Variants in DHX37 observed in about 807,000 individuals in gnomAD.
DHX37 encodes the protein DEAH-box helicase 37, also known as probable ATP-dependent RNA helicase DHX37.
In DHX37, 52 loss-of-function variants were observed where a neutral mutation model predicts 134.3. That is an observed-to-expected ratio of 0.39 (90% CI 0.31 to 0.49). The LOEUF is 0.49. Ranked by LOEUF, DHX37 falls within the 20% of genes least tolerant of loss-of-function variation. The pLI is 0.93. For synonymous variants in DHX37, 634 were observed against 670.7 expected (o/e 0.95, Z 0.85); for missense variants, 1,344 against 1,580.8 (o/e 0.85, Z 2.54).
chr12:124,972,434 A>G, intron 7 of DHX37, 69 bp downstream of exon 7: 1 of 1,539,528 alleles, frequency 6.5e-7, no homozygotes, highest in Non-Finnish European at 9.0e-7. Flanking sequence ...CTCATATCCC[A>G]GGTGACATCC....
chr12:124,980,109 T>A lies in DHX37; in HGVS notation c.738+381A>T, dbSNP rs1954725684. Among the ~76,000 whole-genome samples, 1 of 152,206 alleles carries A rather than the reference T, an allele frequency of 6.6e-6. No homozygotes were observed. Among genetic ancestry groups the A allele is most frequent in the Non-Finnish European group, 1.5e-5 (1 of 68,028 alleles). On this transcript the variant is annotated intron_variant, in intron 4 of 26. Transcript: ENST00000308736. The surrounding 1 kb of genome is among the most constrained non-coding windows in gnomAD (Gnocchi z 5.3). ...AGCCGGAATATTCCCATTTTACAGA[T>A]GCGCGGGAAGTGAGCTGGAGAGCAG...
At chr12:124,954,348 G>A in intron 18 of DHX37, 137 bp from the exon 19 acceptor site, 1 of 1,332,562 alleles carries the variant, frequency 7.5e-7, no homozygotes, top group East Asian at 2.5e-5. Context: ...AGGTATTAAG[G>A]TCCAGCTCAA....
rs1472999614 is a variant in DHX37 at position 124,949,530 on chromosome 12, G to A, written c.3290+456C>T. Among the ~76,000 whole-genome samples, 4 of 152,294 alleles carry A rather than the reference G, an allele frequency of 2.6e-5. No homozygotes were observed. Among genetic ancestry groups the A allele is most frequent in the Non-Finnish European group, 5.9e-5 (4 of 68,016 alleles). ...AGGATGCCTCCCACTGACACCTGGC[G>A]GCTCTGTGGGAGCTGCCCAGTGTCT... On this transcript the variant is annotated intron_variant, in intron 25 of 26. Coordinates refer to ENST00000308736, the MANE Select transcript of DHX37 (RefSeq NM_032656.4). This position sits in a 1 kb window ranked among gnomAD's most constrained non-coding sequence, Gnocchi z 4.0.
chr12:124,949,779 C>A lies in DHX37; in HGVS notation c.3290+207G>T, dbSNP rs1455502191. 6.6e-6 allele frequency among the ~76,000 whole-genome samples: 1 copy of A among 152,106 alleles called. No homozygotes were observed. Among genetic ancestry groups the A allele is most frequent in the African/African-American group, 2.4e-5 (1 of 41,394 alleles). ...GGCAGAGACTGGAGTGATGTGGCCA[C>A]AAGCCCAGGAGGCCGACAGAGGCAA... On this transcript the variant is annotated intron_variant, in intron 25 of 26. Coordinates refer to ENST00000308736, the MANE Select transcript of DHX37 (RefSeq NM_032656.4). This position sits in a 1 kb window ranked among gnomAD's most constrained non-coding sequence, Gnocchi z 4.0.
chr12:124,950,937 A>G, intron 21 of DHX37, 133 bp from the exon 22 acceptor site: 1 of 1,297,904 alleles, frequency 7.7e-7, no homozygotes, highest in Non-Finnish European at 1.0e-6. Flanking sequence ...CTGCCGGGAA[A>G]TGCGGCCCAT....
Position 124,988,973 on chromosome 12 carries a change from C to A in DHX37, c.50G>T (p.Gly17Val). ...RYNIKGRQQA[G>V]PGPSKGPPEP... ...GGGGGGGCCCTTCGAGGGTCCGGGG[C>A]CCGCCTGCTGGCGCCCCTTGATGTT... The change falls in exon 1 of 27, where the codon GGC (glycine) becomes GTC (valine). Residue 17 changes from glycine to valine, a missense_variant. Coordinates refer to ENST00000308736, the MANE Select transcript of DHX37 (RefSeq NM_032656.4). The A allele has an allele frequency of 7.4e-7, 1 of 1,355,390 alleles. No individual in the cohort carries two copies. Among genetic ancestry groups the A allele is most frequent in the Non-Finnish European group, 9.6e-7 (1 of 1,045,518 alleles). 84.0% of individuals were successfully genotyped at this position (1,355,390 alleles called of 1,614,324 possible). A position where few individuals can be genotyped will look rare whatever the true frequency, so the allele number is the denominator to read the frequency against.
chr12:124,954,312 T>G, intron 18 of DHX37, 101 bp from the exon 19 acceptor site: 1 of 1,474,266 alleles, frequency 6.8e-7, no homozygotes, highest in South Asian at 1.5e-5. Flanking sequence ...TCAGAGGCCT[T>G]GTGGGGTCAC....
chr12:124,975,192 T>C (rs1335119562), intron 6 of DHX37, among the ~76,000 whole-genome samples: 4 of 152,138 alleles, frequency 2.6e-5, no homozygotes, highest in Non-Finnish European at 5.9e-5. Context: ...GATGGGCCAC[T>C]CTGTCCCCTC....
chr12:124,984,317 C>T (rs1198472481), intron 2 of DHX37, among the ~76,000 whole-genome samples: 2 of 152,116 alleles, frequency 1.3e-5, no homozygotes, highest in Non-Finnish European at 2.9e-5. Context: ...TGGGTCACTT[C>T]AGGTTGGGAG....
chr12:124,964,481 G>T lies in DHX37; in HGVS notation c.1958C>A (p.Ser653Tyr). The stretch of plus-strand genomic sequence containing the variant: ...GGAGACCCAGGTGACACGGAAGGAG[G>T]ATACGCCAGTGACGCGGTCGTAGTA... Reference protein sequence around the residue: ...KRYYDRVTGVSSFRVTWVSQA... With the variant: ...KRYYDRVTGVYSFRVTWVSQA... The change falls in exon 15 of 27, where the codon TCC (serine) becomes TAC (tyrosine). Residue 653 changes from serine (S) to tyrosine (Y), a missense_variant. By Grantham distance (144) the Ser-to-Tyr change is moderately radical. This residue lies in a region of DHX37 where 39 missense variants were observed against 87.9 expected (regional missense o/e 0.44). Coordinates refer to ENST00000308736, the MANE Select transcript of DHX37 (RefSeq NM_032656.4). 3.7e-6 allele frequency: 6 copies of T among 1,614,218 alleles called. No individual in the cohort carries two copies. Among genetic ancestry groups the T allele is most frequent in the Non-Finnish European group, 5.1e-6 (6 of 1,180,038 alleles).
At chr12:124,966,664 A>G in intron 12 of DHX37, 129 bp downstream of exon 12, 2 of 986,134 alleles carry the variant, frequency 2.0e-6, no homozygotes, top group Non-Finnish European at 3.1e-6. Flanking sequence ...GTGCCTGACC[A>G]GGAACTGGAT....
intron 10 of DHX37, among the ~76,000 whole-genome samples, chr12:124,967,951 G>C (rs1234503326): frequency 1.3e-5 from 2 of 151,806 alleles, no homozygotes; most frequent in African/African-American, 4.9e-5. Flanking sequence ...CGACCAGTGT[G>C]GGACCTGTAA....
rs141926689 is a variant in DHX37 at position 124,955,440 on chromosome 12, G to T, written c.2454-1229C>A. 2.0e-5 allele frequency among the ~76,000 whole-genome samples: 3 copies of T among 152,334 alleles called. No individual in the cohort carries two copies. In the East Asian group the frequency reaches 5.8e-4, roughly 29 times the overall value. ...TTATTCTCCCCCAAGGGATTCTGAC[G>T]AATAGCTGGGATTACAGGTGTCCAT... On this transcript the variant is annotated intron_variant, in intron 18 of 26. Coordinates refer to ENST00000308736, the MANE Select transcript of DHX37 (RefSeq NM_032656.4).
chr12:124,969,744 G>T (rs1954476498), intron 8 of DHX37, among the ~76,000 whole-genome samples: 1 of 152,052 alleles, frequency 6.6e-6, no homozygotes, highest in African/African-American at 2.4e-5. Flanking sequence ...AAGTACCATG[G>T]AATTCTGCAG....
At position 124,982,135 on chromosome 12, in the gene DHX37, C is replaced by CA. The variant is rs113891297; in HGVS notation, c.389+375dup. 4.7e-3 allele frequency among the ~76,000 whole-genome samples: 682 copies of CA among 144,490 alleles called. 3 individuals are homozygous for CA. Among genetic ancestry groups the CA allele is most frequent in the Middle Eastern group, 7.1e-3 (2 of 280 alleles). 94.8% of individuals were successfully genotyped at this position (144,490 alleles called of 152,430 possible). ...AAGACTCTGTCTCAAAAAAAAAAAACAAAAAAAAACACGACACAAACCAAA... is the reference window on the plus strand; with the variant it reads ...AAGACTCTGTCTCAAAAAAAAAAAACAAAAAAAAAACACGACACAAACCAAA... On this transcript the variant is annotated intron_variant, in intron 3 of 26. Transcript: ENST00000308736.
At chr12:124,985,421 A>G (rs1954847314) in intron 2 of DHX37, among the ~76,000 whole-genome samples, 1 of 152,096 alleles carries the variant, frequency 6.6e-6, no homozygotes, top group East Asian at 1.9e-4. Context: ...ATTTCCCATG[A>G]CAAACTTTTT....
At chr12:124,982,725 T>C in intron 2 of DHX37, 102 bp from the exon 3 acceptor site, 1 of 1,477,840 alleles carries the variant, frequency 6.8e-7, no homozygotes, top group Non-Finnish European at 9.1e-7. Flanking sequence ...ACACCTGGAG[T>C]CTTTAAAATC....
intron 18 of DHX37, among the ~76,000 whole-genome samples, chr12:124,954,534 C>T (rs1954051706): frequency 6.6e-6 from 1 of 152,148 alleles, no homozygotes; most frequent in African/African-American, 2.4e-5. Flanking sequence ...GCTGGGACTA[C>T]AGGTGCCCAC....
Position 124,962,824 on chromosome 12 carries a change from G to A in DHX37, c.2045+1570C>T, listed in dbSNP as rs1162370271. 4.6e-5 allele frequency among the ~76,000 whole-genome samples: 7 copies of A among 151,926 alleles called. No individual in the cohort carries two copies. The South Asian group carries it at 6.2e-4, about 14-fold the overall frequency. ...TGCACTCCAGCCTGGGTGACATAGC[G>A]AGACTCCATCTCAAAAAAAAAAAAA... On this transcript the variant is annotated intron_variant, in intron 15 of 26. Transcript: ENST00000308736.
Sources: gnomAD v4.1 joint callset for allele counts (sites outside exome capture counted in the v4.1 genomes callset) on GRCh38, gnomAD v4.1.1 for gene constraint, gnomAD v4.1.1 regional missense constraint, Gnocchi (gnomAD v3.1) non-coding constraint, MANE v1.5 for transcripts, NCBI Gene and HGNC (gene_info 2026-07-23, HGNC 2026-07-21) for gene names.